The following MAST2 variants were observed in gnomAD, a reference collection of about 807,000 sequenced individuals.
The protein encoded by MAST2 is microtubule associated serine/threonine kinase 2, also known as microtubule-associated serine/threonine-protein kinase 2.
A neutral mutation model predicts 147.4 loss-of-function variants in MAST2; 70 were observed. The observed-to-expected ratio is 0.47, with a 90% confidence interval of 0.39 to 0.58. The LOEUF is 0.58. MAST2 is among the 20% of genes least tolerant of loss of function. The probability of loss-of-function intolerance (pLI) is 0.00; values close to 1 mark genes in which losing one functional copy is unlikely to be tolerated. For synonymous variants in MAST2, 869 were observed against 896.8 expected, an observed-to-expected ratio of 0.97 and a Z score of 0.55; for missense variants, 2,080 against 2,302.3, an observed-to-expected ratio of 0.90 and a Z score of 1.98.
chr1:46,029,330 G>T, intron 18 of MAST2, 136 bp from the exon 19 acceptor site: 1 of 642,706 alleles, frequency 1.6e-6, no homozygotes, highest in Non-Finnish European at 2.7e-6. Context: ...AAGGACTGGG[G>T]TCCCAGGCAA....
At chr1:46,006,545 C>G in intron 8 of MAST2, 150 bp downstream of exon 8, 1 of 560,752 alleles carries the variant, frequency 1.8e-6, no homozygotes, top group East Asian at 3.2e-5. Flanking sequence ...TTCCTCAACT[C>G]TGCTGTTGTA....
intron 5 of MAST2, among the ~76,000 whole-genome samples, chr1:45,982,104 C>T (rs1366144065): frequency 6.6e-6 from 1 of 152,212 alleles, no homozygotes; most frequent in Admixed American, 6.5e-5. Context: ...CTGCCTCGGC[C>T]TCCCAAAGTG....
chr1:45,881,257 A>G lies in MAST2; in HGVS notation c.469-1107A>G, dbSNP rs538439924. ...ATTTCCATTTACTAGAGAATAGATAAATAAATATTGGTATATTCATAGACT... is the reference window on the plus strand; with the variant it reads ...ATTTCCATTTACTAGAGAATAGATAGATAAATATTGGTATATTCATAGACT... On this transcript the variant is annotated intron_variant, in intron 3 of 28. Transcript: ENST00000361297. Among the ~76,000 whole-genome samples, 3 of 152,342 alleles carry G rather than the reference A, an allele frequency of 2.0e-5. No homozygotes were observed. In the South Asian group the frequency reaches 6.2e-4, roughly 32 times the overall value.
At chr1:46,029,661 C>T (rs1571279700) in intron 19 of MAST2, 94 bp downstream of exon 19, 1 of 1,387,632 alleles carries the variant, frequency 7.2e-7, no homozygotes, top group South Asian at 1.3e-5. Context: ...CGGTTACGGG[C>T]AGCCCCTCTG....
chr1:45,950,697 G>A (rs1342068649), intron 4 of MAST2, among the ~76,000 whole-genome samples: 1 of 152,208 alleles, frequency 6.6e-6, no homozygotes, highest in Admixed American at 6.5e-5. Context: ...CTTCACTGAA[G>A]GTAAGTTTGT....
chr1:46,021,211 A>C (rs1250018347), intron 11 of MAST2, among the ~76,000 whole-genome samples: 1 of 152,216 alleles, frequency 6.6e-6, no homozygotes, highest in Non-Finnish European at 1.5e-5. Flanking sequence ...GGCCACAGGG[A>C]ATGAGAACAG....
chr1:46,012,138 A>C (rs778701142), intron 10 of MAST2, among the ~76,000 whole-genome samples: 8 of 152,214 alleles, frequency 5.3e-5, no homozygotes, highest in Non-Finnish European at 1.2e-4. Context: ...GTTTCTGTTC[A>C]AGAAAAGGTT....
At chr1:45,962,406 A>G (rs891858847) in intron 5 of MAST2, among the ~76,000 whole-genome samples, 4 of 151,702 alleles carry the variant, frequency 2.6e-5, no homozygotes, top group Admixed American at 6.6e-5. Context: ...AAGTGTTCCT[A>G]TTTCTCCACA....
chr1:45,902,816 A>T (rs577626544), intron 4 of MAST2, among the ~76,000 whole-genome samples: 1 of 152,076 alleles, frequency 6.6e-6, no homozygotes, highest in Admixed American at 6.5e-5. Context: ...TTTCTGTGAT[A>T]TCAGTTGTAA....
rs1162002495 is a variant in MAST2 at position 46,010,725 on chromosome 1, C to A, written c.979-5C>A. ...GAAGTGTTTCTTTCTTGCTTTTCTT[C>A]CCAGGCCACCGCACAAATGGAAGAG... On this transcript the variant is annotated splice_polypyrimidine_tract_variant and splice_region_variant and intron_variant, in intron 9 of 28. Transcript: ENST00000361297. 6.2e-7 allele frequency: 1 copy of A among 1,612,544 alleles called. No homozygotes were observed. Among genetic ancestry groups the A allele is most frequent in the Admixed American group, 1.7e-5 (1 of 60,004 alleles).
intron 1 of MAST2, among the ~76,000 whole-genome samples, chr1:45,819,760 A>G (rs968090109): frequency 3.3e-5 from 5 of 152,226 alleles, no homozygotes; most frequent in Admixed American, 2.0e-4. Context: ...TAAAATGTCC[A>G]TAGTACCCAA....
chr1:45,833,707 C>T (rs953095469), intron 3 of MAST2, among the ~76,000 whole-genome samples: 9 of 151,980 alleles, frequency 5.9e-5, no homozygotes, highest in Admixed American at 3.9e-4. Flanking sequence ...ATGTGCTTAC[C>T]GGACATTTGT....
At chr1:45,936,221 T>A (rs1393124709) in intron 4 of MAST2, among the ~76,000 whole-genome samples, 1 of 152,206 alleles carries the variant, frequency 6.6e-6, no homozygotes, top group Non-Finnish European at 1.5e-5. Flanking sequence ...GTAGAATCAC[T>A]ACTGATTTTT....
At position 46,030,691 on chromosome 1, in the gene MAST2, G is replaced by A; in HGVS notation, c.2638G>A (p.Glu880Lys). Residue 880 changes from glutamate (E) to lysine (K), a missense_variant, in exon 22 of 29, where the codon GAG (glutamate) becomes AAG (lysine). Glu to Lys is a moderately conservative substitution (Grantham distance 56). Coordinates refer to ENST00000361297, the MANE Select transcript of MAST2 (RefSeq NM_015112.3). Reference protein sequence around the residue: ...PTKRSLSEEKEDHSDGLAGLK... With the variant: ...PTKRSLSEEKKDHSDGLAGLK... ...CAAGCGCAGCCTGAGTGAGGAGAAG[G>A]AGGACCATTCAGATGGCCTGGCAGG... is the stretch of plus-strand genomic sequence containing the variant. The A allele has an allele frequency of 1.9e-6, 3 of 1,608,900 alleles. No individual in the cohort carries two copies. The highest frequency in any genetic ancestry group is 2.5e-6 in the Non-Finnish European group (3 of 1,178,452).
chr1:45,907,485 A>T (rs1650960270), intron 4 of MAST2, among the ~76,000 whole-genome samples: 1 of 145,522 alleles, frequency 6.9e-6, no homozygotes, highest in African/African-American at 2.5e-5. Flanking sequence ...TTTTTGAGAG[A>T]GTCTCGCTCT....
chr1:45,857,254 G>C (rs1055609336), intron 3 of MAST2, among the ~76,000 whole-genome samples: 3 of 152,132 alleles, frequency 2.0e-5, no homozygotes, highest in Non-Finnish European at 4.4e-5. Flanking sequence ...TCAATGAAAG[G>C]AAGACTACTT....
In MAST2 at chr1:46,034,842, C is replaced by A. The variant is rs765196879; in HGVS notation, c.4173C>A (p.Pro1391=). Residue 1391 remains proline (P), a synonymous_variant, in exon 29 of 29, where the codon CCC becomes CCA. Coordinates refer to ENST00000361297, the MANE Select transcript of MAST2 (RefSeq NM_015112.3). ...SPPLGRQLSR[P]KSAEPPRSPL... is the part of the protein sequence containing the mutation. ...CCCTGGGCAGGCAACTCTCACGGCC[C>A]AAGAGTGCGGAGCCACCCCGTTCAC... 6.2e-6 allele frequency: 10 copies of A among 1,614,092 alleles called. No homozygotes were observed. The Admixed American group carries it at 8.3e-5, about 13-fold the overall frequency.
chr1:45,834,895 C>CA (rs1645058623), intron 3 of MAST2, among the ~76,000 whole-genome samples: 1 of 151,712 alleles, frequency 6.6e-6, no homozygotes, highest in Admixed American at 6.6e-5. Flanking sequence ...TACCTGTCTA[C>CA]TGTCTTTCCA....
intron 3 of MAST2, among the ~76,000 whole-genome samples, chr1:45,858,544 T>G (rs532350112): frequency 6.0e-5 from 9 of 149,796 alleles, no homozygotes; most frequent in African/African-American, 2.0e-4. Flanking sequence ...TTGCAAAAAT[T>G]TTCCCCCATT....
Sources: gnomAD v4.1 joint callset for allele counts (sites outside exome capture counted in the v4.1 genomes callset) on GRCh38, gnomAD v4.1.1 for gene constraint, MANE v1.5 for transcripts, NCBI Gene and HGNC (gene_info 2026-07-23, HGNC 2026-07-21) for gene names.